MICALL2: variants seen among roughly 807,000 people sequenced by gnomAD.
MICALL2 encodes MICAL like 2, also known as MICAL-like protein 2.
In MICALL2, 111 loss-of-function variants were observed where a neutral mutation model predicts 91.1. That is an observed-to-expected ratio of 1.22 (90% confidence interval 1.04 to 1.43). The LOEUF is 1.43. MICALL2 is among the 40% of genes most tolerant of loss of function. The pLI is 0.00. For missense variants in MICALL2, 1,556 were observed against 1,236.0 expected (o/e 1.26, Z -3.88); for synonymous variants, 694 against 525.3 (o/e 1.32, Z -4.39).
intron 16 of MICALL2, 68 bp downstream of exon 16, chr7:1,435,033 C>T (rs571299044): frequency 7.2e-6 from 11 of 1,527,364 alleles, no homozygotes; most frequent in Middle Eastern, 1.9e-4. Context: ...AGCCAGCCAG[C>T]CCAGCACTCA....
In MICALL2 at chr7:1,434,690, A is replaced by C. The variant is rs1243284049; in HGVS notation, c.2639-18T>G. The C allele has an allele frequency of 6.5e-7, 1 of 1,538,504 alleles. No homozygotes were observed. The highest frequency in any genetic ancestry group is 1.3e-5 in the South Asian group (1 of 79,182). On this transcript the variant is annotated intron_variant, in intron 16 of 16. Transcript: ENST00000297508. The stretch of plus-strand genomic sequence containing the variant: ...CTGGAGGCCTAGGGGACAGGTGGAC[A>C]GTGAGGCCGTGCTCAACGCCGCAGC...
At chr7:1,446,355 A>AAG (rs1356160534) in intron 5 of MICALL2, among the ~76,000 whole-genome samples, 3 of 762 alleles carry the variant, frequency 3.9e-3, no homozygotes, top group African/African-American at 0.013. Flanking sequence ...AGGGGGGAGG[A>AAG]GGGAGAGGAG....
At chr7:1,439,247 A>T (rs1420141778) in intron 9 of MICALL2, 3 of 512,072 alleles carry the variant, frequency 5.9e-6, no homozygotes, top group African/African-American at 3.9e-5. Context: ...CGAGAGCTGG[A>T]TATGGATCCA....
rs1780493058 is a variant in MICALL2 at position 1,444,900 on chromosome 7, T to C, written c.1170A>G (p.Thr390=). The C allele has an allele frequency of 1.9e-6, 3 of 1,568,322 alleles. No homozygotes were observed. The South Asian group carries it at 3.4e-5, about 18-fold the overall frequency. ...GAPRVAAPQT[T]LSSSSTSAAT... ...CTGCAGATGTGGAGCTTGAACTGAG[T>C]GTGGTTTGAGGAGCTGCCACTCGGG... The change falls in exon 6 of 17, where the codon ACA becomes ACG. Residue 390 remains threonine (T), a synonymous_variant. Coordinates refer to ENST00000297508, the MANE Select transcript of MICALL2 (RefSeq NM_182924.4).
In MICALL2 at chr7:1,437,569, G is replaced by C. The variant is rs202177068; in HGVS notation, c.2442C>G (p.Ile814Met). ...CCATGAGCCGGCGCAGCTCGCCCTC[G>C]ATGTCCAGCTGCTGCTCCTCCAGAC... ...AQRLEEQQLD[I>M]EGELRRLMAK... Residue 814 changes from isoleucine to methionine, a missense_variant, in exon 14 of 17, where the codon ATC (isoleucine) becomes ATG (methionine). Transcript: ENST00000297508. 1.3e-6 allele frequency: 2 copies of C among 1,535,138 alleles called. No homozygotes were observed. The highest frequency in any genetic ancestry group is 4.0e-5 in the Admixed American group (2 of 49,810).
At chr7:1,449,966 G>A (rs563179977) in intron 2 of MICALL2, among the ~76,000 whole-genome samples, 2 of 152,268 alleles carry the variant, frequency 1.3e-5, no homozygotes, top group South Asian at 2.1e-4. Flanking sequence ...TTGCAGTGAA[G>A]TAGGGTCCCC....
rs200801518 is a variant in MICALL2, at chr7:1,445,395, C to G, written c.675G>C (p.Gly225=). 11 of 1,569,876 alleles carry G rather than the reference C, an allele frequency of 7.0e-6. No homozygotes were observed. The African/African-American group carries it at 1.5e-4, about 21-fold the overall frequency. The part of the protein sequence containing the change: ...CKQCSCTLHS[G]AYKATGEPGT... ...CCGGCTCTCCTGTGGCCTTGTAGGC[C>G]CCCGAGTGCAGCGTGCAGGAGCACT... The change falls in exon 6 of 17, where the codon GGG becomes GGC. Residue 225 remains glycine (G), a synonymous_variant. Coordinates refer to ENST00000297508, the MANE Select transcript of MICALL2 (RefSeq NM_182924.4).
In MICALL2 at chr7:1,452,060, G is replaced by A. The variant is rs576514093; in HGVS notation, c.144-1772C>T. On this transcript the variant is annotated intron_variant, in intron 1 of 16. Transcript: ENST00000297508. The surrounding 1 kb of genome is among the most constrained non-coding windows in gnomAD (Gnocchi z 6.2). ...CGCCCCGTCCGCCTGCAGCCCTGCC[G>A]TCCATCAATCTGCTGGGATCCTTGG... Among the ~76,000 whole-genome samples the A allele has an allele frequency of 4.4e-4, 67 of 152,264 alleles. No homozygotes were observed. The highest frequency in any genetic ancestry group is 1.4e-3 in the African/African-American group (59 of 41,554).
intron 14 of MICALL2, 108 bp from the exon 15 acceptor site, chr7:1,436,964 G>C (rs1562445254): frequency 5.1e-6 from 4 of 789,916 alleles, no homozygotes; most frequent in Non-Finnish European, 7.6e-6. Context: ...GGAGGAAGAA[G>C]GTGGGGTCTT....
chr7:1,442,492 TAAAAGCGC>T lies in MICALL2; in HGVS notation c.1419-16_1419-9del. The T allele has an allele frequency of 6.6e-7, 1 of 1,522,500 alleles. No individual in the cohort carries two copies. The highest frequency in any genetic ancestry group is 2.3e-5 in the East Asian group (1 of 43,942). 94.3% of individuals were successfully genotyped at this position (1,522,500 alleles called of 1,614,324 possible). A position where few individuals can be genotyped will look rare whatever the true frequency, so the allele number is the denominator to read the frequency against. On this transcript the variant is annotated splice_polypyrimidine_tract_variant and intron_variant, in intron 6 of 16. Coordinates refer to ENST00000297508, the MANE Select transcript of MICALL2 (RefSeq NM_182924.4). ...GCAGTGGCTGGGGAGGGCCTATAAG[TAAAAGCGC>T]AGGCATCAGGCACAGCTGGATCCAG...
chr7:1,450,676 G>T, intron 1 of MICALL2: 1 of 201,180 alleles, frequency 5.0e-6, no homozygotes, highest in Admixed American at 5.3e-5. Flanking sequence ...GTGACCAGGT[G>T]GGTCGCAGAG....
intron 1 of MICALL2, chr7:1,450,681 G>A (rs748934284): frequency 1.5e-5 from 3 of 200,776 alleles, no homozygotes; most frequent in Admixed American, 5.3e-5. Flanking sequence ...CAGGTGGGTC[G>A]CAGAGGCCTG....
intron 14 of MICALL2, 149 bp from the exon 15 acceptor site, chr7:1,437,005 A>G (rs776074984): frequency 1.6e-5 from 9 of 551,020 alleles, no homozygotes; most frequent in Admixed American, 3.8e-5. Context: ...GAATGAGTGA[A>G]TAAGTGAATG....
In MICALL2 at chr7:1,436,864, G is replaced by T; in HGVS notation, c.2477-8C>A. 3 of 1,565,970 alleles carry T rather than the reference G, an allele frequency of 1.9e-6. No homozygotes were observed. The highest frequency in any genetic ancestry group is 1.7e-6 in the Non-Finnish European group (2 of 1,157,020). ...GCAGTGACTTCAGAGCCTCTGTGGG[G>T]ATGGCTCGTCAGCAGGAGCCCCCCC... On this transcript the variant is annotated splice_region_variant and splice_polypyrimidine_tract_variant and intron_variant, in intron 14 of 16. Coordinates refer to ENST00000297508, the MANE Select transcript of MICALL2 (RefSeq NM_182924.4).
chr7:1,435,284 C>T (rs1779912472), intron 15 of MICALL2, 137 bp from the exon 16 acceptor site: 3 of 799,772 alleles, frequency 3.8e-6, no homozygotes, highest in South Asian at 1.5e-5. Flanking sequence ...TTCCTGCTGA[C>T]AGGCCACACC....
Position 1,452,369 on chromosome 7 carries a change from C to A in MICALL2, c.144-2081G>T, listed in dbSNP as rs539021043. Among the ~76,000 whole-genome samples, 77 of 152,200 alleles carry A rather than the reference C, an allele frequency of 5.1e-4. No individual in the cohort carries two copies. Among genetic ancestry groups the A allele is most frequent in the Non-Finnish European group, 9.3e-4 (63 of 67,990 alleles). On this transcript the variant is annotated intron_variant, in intron 1 of 16. Coordinates refer to ENST00000297508, the MANE Select transcript of MICALL2 (RefSeq NM_182924.4). This position sits in a 1 kb window ranked among gnomAD's most constrained non-coding sequence, Gnocchi z 6.2. ...TGGCTGTCTATGCCCAGGGACTCTG[C>A]AGCCATGCTGGGCGTCAGCCTCAGC...
In MICALL2 at chr7:1,438,822, G is replaced by T. The variant is rs370879236; in HGVS notation, c.2122+18C>A. On this transcript the variant is annotated intron_variant, in intron 10 of 16. Coordinates refer to ENST00000297508, the MANE Select transcript of MICALL2 (RefSeq NM_182924.4). ...CTTCACGTACACCCCAAACAGCAGC[G>T]GTGTCTCTGGGGCTGACCTGGTTTG... 2.5e-6 allele frequency: 4 copies of T among 1,585,920 alleles called. No individual in the cohort carries two copies. The highest frequency in any genetic ancestry group is 2.3e-5 in the East Asian group (1 of 44,262).
At chr7:1,439,663 A>G (rs1034681966) in intron 9 of MICALL2, 1 of 392,476 alleles carries the variant, frequency 2.5e-6, no homozygotes, top group East Asian at 3.9e-5. Context: ...TGCATCACAC[A>G]CATGAACACA....
chr7:1,439,979 G>A lies in MICALL2; in HGVS notation c.1912C>T (p.Pro638Ser). Reference protein sequence around the residue: ...FAGSVHITLTPVRPDRTPRPA... With the variant: ...FAGSVHITLTSVRPDRTPRPA... ...CGTGGGGTCCTGTCAGGCCTCACGGGGGTCAGGGTGATGTGGACACTCCCA... is the reference window on the plus strand; with the variant it reads ...CGTGGGGTCCTGTCAGGCCTCACGGAGGTCAGGGTGATGTGGACACTCCCA... The change falls in exon 9 of 17, where the codon CCC becomes TCC. Residue 638 changes from proline to serine, a missense_variant. Pro to Ser is a moderately conservative substitution (Grantham distance 74). Transcript: ENST00000297508. 6.6e-7 allele frequency: 1 copy of A among 1,523,984 alleles called. No individual in the cohort carries two copies. The highest frequency in any genetic ancestry group is 2.6e-5 in the East Asian group (1 of 38,740). The allele number at this position is 1,523,984 out of a possible 1,614,324, so 94.4% of individuals were successfully genotyped here.
Sources: allele counts gnomAD v4.1 joint callset (sites outside exome capture counted in the v4.1 genomes callset), GRCh38; gene constraint gnomAD v4.1.1; non-coding constraint Gnocchi (gnomAD v3.1); transcripts MANE v1.5; gene names NCBI Gene and HGNC (gene_info 2026-07-23, HGNC 2026-07-21).